Variants in DMXL2 observed in about 807,000 individuals in gnomAD.
The protein encoded by DMXL2 is Dmx like 2, also known as dmX-like protein 2.
Under a neutral mutation model 331.1 loss-of-function variants are expected in DMXL2, and 103 were observed. The observed-to-expected ratio is 0.31, with a 90% CI of 0.27 to 0.37. The LOEUF (loss-of-function observed/expected upper bound fraction) is 0.37. DMXL2 is among the 10% of genes least tolerant of loss of function. The pLI, the probability that DMXL2 is intolerant of heterozygous loss-of-function variation, is 1.00. For missense variants in DMXL2, 3,171 were observed against 3,642.9 expected, an observed-to-expected ratio of 0.87 and a Z score of 3.33; for synonymous variants, 1,281 against 1,252.1, an observed-to-expected ratio of 1.02 and a Z score of -0.49.
At chr15:51,585,600 G>A (rs1268430145) in intron 1 of DMXL2, among the ~76,000 whole-genome samples, 2 of 152,080 alleles carry the variant, frequency 1.3e-5, no homozygotes, top group African/African-American at 4.8e-5. Context: ...ATAATATGCT[G>A]GATCAGTGAT....
chr15:51,469,809 G>A (rs1220124034), intron 29 of DMXL2, among the ~76,000 whole-genome samples: 3 of 152,102 alleles, frequency 2.0e-5, no homozygotes, highest in Non-Finnish European at 1.5e-5. Context: ...TTATTTCCCT[G>A]GTTTATTAGC....
chr15:51,614,619 T>TA lies in DMXL2; in HGVS notation c.87+7839dup, dbSNP rs201628025. ...CACTGACCTATACCAAGAAGTATTATAAAAAAATAGCCTTATGAAAAGATC... is the reference window on the plus strand; with the variant it reads ...CACTGACCTATACCAAGAAGTATTATAAAAAAAATAGCCTTATGAAAAGATC... On this transcript the variant is annotated intron_variant, in intron 1 of 43. Coordinates refer to ENST00000560891, the MANE Select transcript of DMXL2 (RefSeq NM_001378457.1). Among the ~76,000 whole-genome samples the TA allele has an allele frequency of 9.5e-3, 1,450 of 152,268 alleles. 20 individuals carry two copies. Among genetic ancestry groups the TA allele is most frequent in the African/African-American group, 0.033 (1,374 of 41,522 alleles).
In DMXL2 at chr15:51,480,065, C is replaced by A; in HGVS notation, c.6639G>T (p.Ala2213=). ...GATTAGCTATGACTGTTTTTGTTGA[C>A]GCAATACTTGCTGAAAGCAGAGGTA... The part of the protein sequence containing the change: ...TTLPLLSASI[A]STKTVIANPV... Residue 2213 remains alanine (A), a synonymous_variant, in exon 25 of 44, where the codon GCG becomes GCT. Coordinates refer to ENST00000560891, the MANE Select transcript of DMXL2 (RefSeq NM_001378457.1). 6.2e-7 allele frequency: 1 copy of A among 1,600,390 alleles called. No individual in the cohort carries two copies.
intron 1 of DMXL2, among the ~76,000 whole-genome samples, chr15:51,614,179 A>G (rs1456928674): frequency 6.6e-6 from 1 of 152,172 alleles, no homozygotes; most frequent in Non-Finnish European, 1.5e-5. Context: ...AAATAACAAG[A>G]AGGGGGCAAT....
rs182396926 is a variant in DMXL2, at chr15:51,592,508, G to A, written c.88-16327C>T. 3.2e-3 allele frequency among the ~76,000 whole-genome samples: 480 copies of A among 152,314 alleles called. 1 individual carries two copies. Among genetic ancestry groups the A allele is most frequent in the African/African-American group, 0.011 (460 of 41,564 alleles). On this transcript the variant is annotated intron_variant, in intron 1 of 43. Coordinates refer to ENST00000560891, the MANE Select transcript of DMXL2 (RefSeq NM_001378457.1). ...AAAACACTCTACAGGATATTATCCA[G>A]GAGAACTTCCCCAATCCAGCAAGGC...
At position 51,491,585 on chromosome 15, in the gene DMXL2, A is replaced by G. The variant is rs775646913; in HGVS notation, c.4946T>C (p.Ile1649Thr). The G allele has an allele frequency of 6.3e-7, 1 of 1,594,872 alleles. No homozygotes were observed. Among genetic ancestry groups the G allele is most frequent in the South Asian group, 1.2e-5 (1 of 86,146 alleles). ...VRNINTLRRC[I>T]EKVAKASFQR... ...CCACTAAAGAAAAGTTACCTTTTCA[A>G]TGCATCTTCGAAGCGTGTTAATGTT... is the stretch of plus-strand genomic sequence containing the variant. The change falls in exon 20 of 44, where the codon ATT (isoleucine) becomes ACT (threonine). Residue 1649 changes from isoleucine to threonine, a missense_variant. Ile to Thr is a moderately conservative substitution (Grantham distance 89). Around this residue, in one of 7 missense-constraint regions of DMXL2, gnomAD observed 252 missense variants for 387.4 expected, o/e 0.65. Transcript: ENST00000560891.
intron 5 of DMXL2, 44 bp downstream of exon 5, chr15:51,564,081 C>G (rs1273993269): frequency 6.5e-7 from 1 of 1,543,206 alleles, no homozygotes; most frequent in Admixed American, 2.3e-5. Flanking sequence ...TTAGGAAGCA[C>G]TTGCTTTTAA....
intron 22 of DMXL2, 45 bp from the exon 23 acceptor site, chr15:51,486,382 T>C (rs1186518703): frequency 2.2e-6 from 3 of 1,376,052 alleles, no homozygotes; most frequent in African/African-American, 1.5e-5. Flanking sequence ...ATGATAATTA[T>C]TTAGAGAGAT....
intron 1 of DMXL2, among the ~76,000 whole-genome samples, chr15:51,608,328 T>C (rs545815596): frequency 6.6e-6 from 1 of 152,312 alleles, no homozygotes; most frequent in South Asian, 2.1e-4. Context: ...CTATTCACAA[T>C]TGCAAAGACA....
chr15:51,621,914 C>T (rs1398135343), intron 1 of DMXL2, among the ~76,000 whole-genome samples: 2 of 152,166 alleles, frequency 1.3e-5, no homozygotes, highest in African/African-American at 2.4e-5. Flanking sequence ...GAATTAAGAT[C>T]CTGCATTATC....
chr15:51,480,719 T>C lies in DMXL2; in HGVS notation c.6387A>G (p.Ile2129Met). 1 of 1,607,322 alleles carries C rather than the reference T, an allele frequency of 6.2e-7. No individual in the cohort carries two copies. Among genetic ancestry groups the C allele is most frequent in the Non-Finnish European group, 8.5e-7 (1 of 1,175,844 alleles). ...PDIGSYERHQIERRRLQAKRE... is the reference protein window; with the variant it reads ...PDIGSYERHQMERRRLQAKRE... Reference sequence around the variant, plus strand: ...GTTTGGCCTGCAATCTTCTTCTTTCTATTTGATGGCGCTCATAGGAACCAA... The same window carrying C: ...GTTTGGCCTGCAATCTTCTTCTTTCCATTTGATGGCGCTCATAGGAACCAA... Residue 2129 changes from isoleucine (I) to methionine (M), a missense_variant, in exon 24 of 44, where the codon ATA (isoleucine) becomes ATG (methionine). This residue lies in a region of DMXL2 where 197 missense variants were observed against 196.2 expected (regional missense o/e 1.00). Coordinates refer to ENST00000560891, the MANE Select transcript of DMXL2 (RefSeq NM_001378457.1).
chr15:51,486,353 T>C lies in DMXL2; in HGVS notation c.5218-16A>G. 1 of 1,517,576 alleles carries C rather than the reference T, an allele frequency of 6.6e-7. No individual in the cohort carries two copies. The highest frequency in any genetic ancestry group is 9.1e-7 in the Non-Finnish European group (1 of 1,102,410). The allele number at this position is 1,517,576 out of a possible 1,614,324, so 94.0% of individuals were successfully genotyped here. On this transcript the variant is annotated splice_polypyrimidine_tract_variant and intron_variant, in intron 22 of 43. Transcript: ENST00000560891. ...CAAGACATACCTGCAAATTTAAATA[T>C]TAATACTTATCTTACTTAATGATAA...
rs745367911 is a variant in DMXL2 at position 51,535,632 on chromosome 15, G to C, written c.2436+31C>G. ...CAAAAGAGAATTCTTTATCTCCTTA[G>C]ATAAATTAATAAAGATTATTAAATA... On this transcript the variant is annotated intron_variant, in intron 13 of 43. Coordinates refer to ENST00000560891, the MANE Select transcript of DMXL2 (RefSeq NM_001378457.1). 5 of 1,553,268 alleles carry C rather than the reference G, an allele frequency of 3.2e-6. No homozygotes were observed. In the African/African-American group the frequency reaches 7.0e-5, roughly 22 times the overall value.
chr15:51,587,335 C>T (rs1454731269), intron 1 of DMXL2, among the ~76,000 whole-genome samples: 1 of 151,762 alleles, frequency 6.6e-6, no homozygotes, highest in Non-Finnish European at 1.5e-5. Flanking sequence ...CACCCCACAA[C>T]AGGTCCCGGT....
chr15:51,522,483 A>G (rs894112331), intron 13 of DMXL2, among the ~76,000 whole-genome samples: 4 of 152,130 alleles, frequency 2.6e-5, no homozygotes, highest in African/African-American at 9.7e-5. Flanking sequence ...CTAGCTACTA[A>G]AAATACAAAA....
intron 9 of DMXL2, among the ~76,000 whole-genome samples, chr15:51,540,448 G>T (rs2048527887): frequency 6.6e-6 from 1 of 152,076 alleles, no homozygotes; most frequent in African/African-American, 2.4e-5. Flanking sequence ...TTAGGGTATT[G>T]TAATCAACAA....
At chr15:51,506,733 G>A (rs540313433) in intron 16 of DMXL2, among the ~76,000 whole-genome samples, 33 of 152,220 alleles carry the variant, frequency 2.2e-4, no homozygotes, top group South Asian at 2.1e-3. Flanking sequence ...GATTACAGGC[G>A]TGAGCCACCG....
At chr15:51,474,318 C>T in intron 28 of DMXL2, 26 bp downstream of exon 28, 1 of 1,578,400 alleles carries the variant, frequency 6.3e-7, no homozygotes, top group Non-Finnish European at 8.6e-7. Context: ...CATTTACATA[C>T]ATTACTGGTA....
At chr15:51,521,775 G>A (rs2047395695) in intron 13 of DMXL2, among the ~76,000 whole-genome samples, 1 of 152,028 alleles carries the variant, frequency 6.6e-6, no homozygotes, top group Non-Finnish European at 1.5e-5. Context: ...CTTGAAAGTA[G>A]GGACTACTTC....
Sources: gnomAD v4.1 joint callset for allele counts (sites outside exome capture counted in the v4.1 genomes callset) on GRCh38, gnomAD v4.1.1 for gene constraint, gnomAD v4.1.1 regional missense constraint, MANE v1.5 for transcripts, NCBI Gene and HGNC (gene_info 2026-07-23, HGNC 2026-07-21) for gene names.